Variants in NCAM1 observed in about 807,000 individuals in gnomAD.
NCAM1 encodes the protein neural cell adhesion molecule 1, also known as antigen recognized by monoclonal antibody 5.1H11.
In NCAM1, 14 loss-of-function variants were observed where a neutral mutation model predicts 109.8. That is an observed-to-expected ratio of 0.13 (90% CI 0.08 to 0.20). The LOEUF is 0.20. NCAM1 is among the 10% of genes least tolerant of loss of function. The pLI is 1.00. For synonymous variants in NCAM1, 418 were observed against 442.9 expected, an observed-to-expected ratio of 0.94 and a Z score of 0.70; for missense variants, 774 against 1,109.9, an observed-to-expected ratio of 0.70 and a Z score of 4.30.
chr11:113,225,695 A>T (rs1555116080), intron 9 of NCAM1, among the ~76,000 whole-genome samples: 1 of 152,258 alleles, frequency 6.6e-6, no homozygotes, highest in Non-Finnish European at 1.5e-5. Flanking sequence ...AGGTCGGGTT[A>T]CCCACAAAGG....
At chr11:113,169,629 G>GTT (rs3051905) in intron 1 of NCAM1, among the ~76,000 whole-genome samples, 108,596 of 139,150 alleles carry the variant, frequency 0.78, 42,553 homozygotes, top group East Asian at 0.85. Flanking sequence ...TTGGATGGGA[G>GTT]TTTTTTTTTT....
At chr11:113,116,823 G>A (rs1479660741) in intron 1 of NCAM1, among the ~76,000 whole-genome samples, 1 of 151,622 alleles carries the variant, frequency 6.6e-6, no homozygotes, top group Non-Finnish European at 1.5e-5. Context: ...CTGTGTTTTG[G>A]GAAAGGGTCC....
chr11:113,050,600 A>G (rs1437280647), intron 1 of NCAM1, among the ~76,000 whole-genome samples: 2 of 152,022 alleles, frequency 1.3e-5, no homozygotes, highest in African/African-American at 2.4e-5. Flanking sequence ...TGTAGTTTGG[A>G]GTTAGGTAGT....
At chr11:113,050,268 A>G (rs1478877538) in intron 1 of NCAM1, among the ~76,000 whole-genome samples, 1 of 152,224 alleles carries the variant, frequency 6.6e-6, no homozygotes, top group Non-Finnish European at 1.5e-5. Flanking sequence ...ACTTAATGGT[A>G]GTAAATAAAT....
At chr11:112,966,745 GT>G (rs377558945) in intron 1 of NCAM1, among the ~76,000 whole-genome samples, 3 of 152,214 alleles carry the variant, frequency 2.0e-5, no homozygotes, top group African/African-American at 7.2e-5. Context: ...GCTTTTTGAT[GT>G]TGGCCTGGGT....
chr11:113,157,717 C>G lies in NCAM1; in HGVS notation c.53-44662C>G, dbSNP rs554167901. On this transcript the variant is annotated intron_variant, in intron 1 of 19. Transcript: ENST00000316851. Reference sequence around the variant, plus strand: ...AAAATAGCAGTAATACATATGTTATCAAAAATAATATATTTTATGAAAAAC... The same window carrying G: ...AAAATAGCAGTAATACATATGTTATGAAAAATAATATATTTTATGAAAAAC... 1.6e-4 allele frequency among the ~76,000 whole-genome samples: 25 copies of G among 152,092 alleles called. 1 individual carries two copies. The highest frequency in any genetic ancestry group is 6.0e-4 in the African/African-American group (25 of 41,486).
chr11:113,219,229 C>G (rs1023667935), intron 8 of NCAM1, among the ~76,000 whole-genome samples: 1 of 152,158 alleles, frequency 6.6e-6, no homozygotes, highest in Non-Finnish European at 1.5e-5. Context: ...TAAGAGAGAA[C>G]TTTTGAAGTT....
intron 1 of NCAM1, among the ~76,000 whole-genome samples, chr11:113,068,684 T>C (rs1555084686): frequency 6.6e-6 from 1 of 152,204 alleles, no homozygotes; most frequent in Non-Finnish European, 1.5e-5. Flanking sequence ...CATATTGTGA[T>C]GTAAACATTC....
At chr11:112,966,904 T>C (rs1950743164) in intron 1 of NCAM1, among the ~76,000 whole-genome samples, 1 of 152,250 alleles carries the variant, frequency 6.6e-6, no homozygotes, top group South Asian at 2.1e-4. Context: ...TTCTAAGCAA[T>C]TGGAGACTCC....
chr11:113,259,050 A>ATTT (rs558552786), intron 16 of NCAM1, among the ~76,000 whole-genome samples: 8 of 134,076 alleles, frequency 6.0e-5, no homozygotes, highest in African/African-American at 8.2e-5. Flanking sequence ...AATAGTTTTC[A>ATTT]TTTTTTTTTT....
At chr11:113,252,342 A>G (rs1945706216) in intron 15 of NCAM1, among the ~76,000 whole-genome samples, 1 of 149,980 alleles carries the variant, frequency 6.7e-6, no homozygotes, top group Admixed American at 6.7e-5. Flanking sequence ...GGAGATTAAG[A>G]CTGCAGTGAG....
intron 9 of NCAM1, among the ~76,000 whole-genome samples, chr11:113,229,875 T>C (rs1944951741): frequency 2.0e-5 from 3 of 152,052 alleles, no homozygotes; most frequent in East Asian, 1.9e-4. Flanking sequence ...TAGGTGGGAA[T>C]TGAACAATGA....
chr11:113,110,811 C>T (rs530889300), intron 1 of NCAM1, among the ~76,000 whole-genome samples: 5 of 152,298 alleles, frequency 3.3e-5, no homozygotes, highest in Admixed American at 2.6e-4. Context: ...TTCCCTCTGC[C>T]TATAGAGGCA....
At chr11:113,178,972 A>G (rs1943251455) in intron 1 of NCAM1, among the ~76,000 whole-genome samples, 1 of 152,246 alleles carries the variant, frequency 6.6e-6, no homozygotes. Flanking sequence ...AATGTCAGGC[A>G]GGACAGTATT....
chr11:113,133,133 G>A (rs1473584821), intron 1 of NCAM1: 11 of 152,228 alleles, frequency 7.2e-5, no homozygotes, highest in Admixed American at 2.0e-4. Flanking sequence ...ACAAGCTCAG[G>A]AGGGAAGTCC....
chr11:113,030,791 T>G (rs1363901419), intron 1 of NCAM1, among the ~76,000 whole-genome samples: 3 of 152,198 alleles, frequency 2.0e-5, no homozygotes, highest in Non-Finnish European at 4.4e-5. Context: ...CTACTAGGGA[T>G]TTGTAGTAGG....
intron 1 of NCAM1, among the ~76,000 whole-genome samples, chr11:113,084,950 A>G (rs1555087964): frequency 1.3e-5 from 2 of 152,232 alleles, no homozygotes; most frequent in Admixed American, 6.5e-5. Context: ...GTTGTTGATG[A>G]CAGTCTCACT....
At chr11:113,036,590 C>A in intron 1 of NCAM1, among the ~76,000 whole-genome samples, 1 of 152,104 alleles carries the variant, frequency 6.6e-6, no homozygotes, top group African/African-American at 2.4e-5. Context: ...GGTCCCCCAT[C>A]CTTCTGCTGT....
chr11:113,040,175 A>G (rs1953027361), intron 1 of NCAM1, among the ~76,000 whole-genome samples: 1 of 124,484 alleles, frequency 8.0e-6, no homozygotes, highest in South Asian at 3.0e-4. Context: ...AATAAATAAA[A>G]TTAATTGATG....
Sources: gnomAD v4.1 joint callset for allele counts (sites outside exome capture counted in the v4.1 genomes callset) on GRCh38, gnomAD v4.1.1 for gene constraint, MANE v1.5 for transcripts, NCBI Gene and HGNC (gene_info 2026-07-23, HGNC 2026-07-21) for gene names.